SORCS2: variants seen among roughly 807,000 people sequenced by gnomAD.
SORCS2 encodes the protein VPS10 domain-containing receptor SorCS2.
Under a neutral mutation model 141.6 loss-of-function variants are expected in SORCS2, and 100 were observed. The ratio of observed to expected loss-of-function variants is 0.71; its 90% CI spans 0.60 to 0.83. The LOEUF (loss-of-function observed/expected upper bound fraction) is 0.83, where lower values mean the gene tolerates loss of function less well. Ranked by LOEUF, SORCS2 falls within the 40% of genes least tolerant of loss-of-function variation. The probability of loss-of-function intolerance (pLI) is 0.00; values close to 1 mark genes in which losing one functional copy is unlikely to be tolerated. For synonymous variants in SORCS2, 789 were observed against 676.9 expected, an observed-to-expected ratio of 1.17 and a Z score of -2.57; for missense variants, 1,646 against 1,560.2, an observed-to-expected ratio of 1.05 and a Z score of -0.93.
intron 5 of SORCS2, among the ~76,000 whole-genome samples, chr4:7,655,054 A>G (rs1342559359): frequency 6.6e-6 from 1 of 152,118 alleles, no homozygotes; most frequent in Non-Finnish European, 1.5e-5. Flanking sequence ...AGGCAGCAGC[A>G]TGGGGCCAGG....
rs1441220903 is a variant in SORCS2, at chr4:7,741,317, CTG to C, written c.*1054_*1055del. 8 of 398,912 alleles carry C rather than the reference CTG, an allele frequency of 2.0e-5. No homozygotes were observed. The highest frequency in any genetic ancestry group is 6.2e-4 in the Middle Eastern group (1 of 1,626). The allele number at this position is 398,912 out of a possible 1,614,324, so 24.7% of individuals were successfully genotyped here. ...AACTGAGGCCCAGGGAGGAGAGTAACTGAAGGTCACAGCACGGTCACAGCAGA... is the reference window on the plus strand; with the variant it reads ...AACTGAGGCCCAGGGAGGAGAGTAACAAGGTCACAGCACGGTCACAGCAGA... On this transcript the variant is annotated 3_prime_UTR_variant, in exon 27 of 27. Coordinates refer to ENST00000507866, the MANE Select transcript of SORCS2 (RefSeq NM_020777.3).
At chr4:7,440,854 G>A (rs577796727) in intron 2 of SORCS2, among the ~76,000 whole-genome samples, 1 of 152,332 alleles carries the variant, frequency 6.6e-6, no homozygotes, top group African/African-American at 2.4e-5. Flanking sequence ...AGCCCTGCTG[G>A]GAGCTGCGGG....
intron 1 of SORCS2, among the ~76,000 whole-genome samples, chr4:7,284,328 C>T (rs3913449): frequency 0.39 from 59,418 of 151,802 alleles, 11,882 homozygotes; most frequent in Middle Eastern, 0.51. Context: ...GTCCTGGCTT[C>T]CCTGCACACC....
chr4:7,341,873 C>G (rs1387064845), intron 1 of SORCS2, among the ~76,000 whole-genome samples: 15 of 152,230 alleles, frequency 9.9e-5, no homozygotes. Flanking sequence ...CTTCTAGTCC[C>G]TGGCAGCCAC....
intron 2 of SORCS2, among the ~76,000 whole-genome samples, chr4:7,469,129 G>A (rs1416757189): frequency 2.9e-5 from 4 of 138,512 alleles, no homozygotes; most frequent in Admixed American, 2.7e-4. Flanking sequence ...GGTGCTGATA[G>A]TGGTCATGGT....
chr4:7,368,288 A>G (rs1049581908), intron 1 of SORCS2, among the ~76,000 whole-genome samples: 1 of 152,260 alleles, frequency 6.6e-6, no homozygotes, highest in Non-Finnish European at 1.5e-5. Context: ...ATTCCTAGGC[A>G]GTGAAAAAAG....
At chr4:7,701,321 C>T (rs1367052786) in intron 12 of SORCS2, among the ~76,000 whole-genome samples, 1 of 152,044 alleles carries the variant, frequency 6.6e-6, no homozygotes, top group East Asian at 1.9e-4. Flanking sequence ...TAGCTGCTCA[C>T]CCTCCATCAT....
intron 11 of SORCS2, among the ~76,000 whole-genome samples, chr4:7,694,288 G>A (rs1724454664): frequency 6.6e-6 from 1 of 152,128 alleles, no homozygotes; most frequent in Admixed American, 6.5e-5. Flanking sequence ...CAGCAGAGAA[G>A]CTTCTCCCCT....
intron 3 of SORCS2, among the ~76,000 whole-genome samples, chr4:7,594,886 G>C (rs548182742): frequency 6.6e-6 from 1 of 152,162 alleles, no homozygotes; most frequent in Non-Finnish European, 1.5e-5. Flanking sequence ...CTCTGAACTT[G>C]AGGTGGTGCC....
chr4:7,615,309 C>A (rs1420872714), intron 3 of SORCS2, among the ~76,000 whole-genome samples: 1 of 152,216 alleles, frequency 6.6e-6, no homozygotes. Flanking sequence ...GGGCATTGGA[C>A]AAGTTGTGTA....
At chr4:7,633,218 G>T (rs1383234003) in intron 3 of SORCS2, among the ~76,000 whole-genome samples, 1 of 152,168 alleles carries the variant, frequency 6.6e-6, no homozygotes, top group African/African-American at 2.4e-5. Context: ...ACACACAAGT[G>T]GTTGTCAGGA....
chr4:7,334,188 T>C (rs1330649249), intron 1 of SORCS2, among the ~76,000 whole-genome samples: 1 of 152,008 alleles, frequency 6.6e-6, no homozygotes, highest in African/African-American at 2.4e-5. Context: ...ACAGGCATGT[T>C]GGGTGCAGGG....
At chr4:7,685,532 A>G (rs747895534) in intron 10 of SORCS2, among the ~76,000 whole-genome samples, 5 of 152,186 alleles carry the variant, frequency 3.3e-5, no homozygotes, top group Non-Finnish European at 5.9e-5. Context: ...TTAGCCAGGC[A>G]TGGTGGCACA....
intron 3 of SORCS2, among the ~76,000 whole-genome samples, chr4:7,637,357 C>T (rs1444724020): frequency 2.6e-5 from 4 of 152,334 alleles, no homozygotes; most frequent in Non-Finnish European, 5.9e-5. Context: ...CAGCGTTCTC[C>T]TCTGCTGAAG....
intron 3 of SORCS2, among the ~76,000 whole-genome samples, chr4:7,607,704 C>T (rs1440983059): frequency 3.3e-5 from 5 of 152,190 alleles, no homozygotes; most frequent in South Asian, 4.1e-4. Context: ...CTGGGCCACC[C>T]AGGAGTTCAG....
At chr4:7,695,090 CAG>C (rs1443346970) in intron 11 of SORCS2, among the ~76,000 whole-genome samples, 1 of 151,382 alleles carries the variant, frequency 6.6e-6, no homozygotes, top group Non-Finnish European at 1.5e-5. Context: ...CAGGGCTGTG[CAG>C]AGAGTAGACA....
intron 1 of SORCS2, among the ~76,000 whole-genome samples, chr4:7,320,187 C>T (rs573022829): frequency 1.3e-5 from 2 of 152,266 alleles, no homozygotes; most frequent in South Asian, 4.2e-4. Flanking sequence ...ATATATGCAT[C>T]ACTTAAAAAT....
chr4:7,740,222 G>A lies in SORCS2; in HGVS notation c.3438G>A (p.Leu1146=), dbSNP rs1411886313. ...AVQGNHSGVV[L]SINSREMHSY... ...TAGGCAACCACTCAGGCGTGGTCCT[G>A]AGCATCAACTCCCGAGAGATGCACA... is the stretch of plus-strand genomic sequence containing the variant. Residue 1146 remains leucine, a synonymous_variant, in exon 27 of 27, where the codon CTG becomes CTA. Transcript: ENST00000507866. The A allele has an allele frequency of 1.2e-6, 2 of 1,609,474 alleles. No individual in the cohort carries two copies. The highest frequency in any genetic ancestry group is 8.5e-7 in the Non-Finnish European group (1 of 1,179,404).
At chr4:7,678,741 C>T (rs751677123) in intron 9 of SORCS2, among the ~76,000 whole-genome samples, 1 of 150,516 alleles carries the variant, frequency 6.6e-6, no homozygotes, top group Non-Finnish European at 1.5e-5. Context: ...CAAGGGATGT[C>T]CCTTCTCTGA....
Sources: allele counts gnomAD v4.1 joint callset (sites outside exome capture counted in the v4.1 genomes callset), GRCh38; gene constraint gnomAD v4.1.1; transcripts MANE v1.5; gene names NCBI Gene and HGNC (gene_info 2026-07-23, HGNC 2026-07-21).